PIP4K2A: variants seen among roughly 807,000 people sequenced by gnomAD.
The protein encoded by PIP4K2A is phosphatidylinositol 5-phosphate 4-kinase type-2 alpha.
PIP4K2A carries 14 observed loss-of-function variants against 42.9 expected under a neutral mutation model. That is an observed-to-expected ratio of 0.33 (90% CI 0.22 to 0.51). PIP4K2A has a LOEUF of 0.51. PIP4K2A is among the 20% of genes least tolerant of loss of function. The probability of loss-of-function intolerance (pLI) is 0.97; values close to 1 mark genes in which losing one functional copy is unlikely to be tolerated. For synonymous variants in PIP4K2A, 192 were observed against 192.2 expected, an observed-to-expected ratio of 1.00 and a Z score of 0.01; for missense variants, 434 against 519.8, an observed-to-expected ratio of 0.83 and a Z score of 1.61.
chr10:22,665,986 C>A (rs1403653902), intron 1 of PIP4K2A, among the ~76,000 whole-genome samples: 1 of 151,930 alleles, frequency 6.6e-6, no homozygotes, highest in Non-Finnish European at 1.5e-5. Flanking sequence ...AGATGGCTTT[C>A]CAGGAATGCT....
intron 5 of PIP4K2A, among the ~76,000 whole-genome samples, chr10:22,571,338 T>C (rs150108909): frequency 3.3e-4 from 50 of 152,190 alleles, no homozygotes; most frequent in Admixed American, 1.2e-3. Flanking sequence ...CTGACAGGGC[T>C]TGTGGCCAGT....
chr10:22,671,592 A>C (rs1360275730), intron 1 of PIP4K2A, among the ~76,000 whole-genome samples: 1 of 152,172 alleles, frequency 6.6e-6, no homozygotes, highest in African/African-American at 2.4e-5. Flanking sequence ...GGGGCATTGT[A>C]AGAGAACACA....
At chr10:22,672,899 G>C (rs45561732) in intron 1 of PIP4K2A, among the ~76,000 whole-genome samples, 2 of 152,190 alleles carry the variant, frequency 1.3e-5, no homozygotes, top group Non-Finnish European at 2.9e-5. Context: ...CAATATGAAA[G>C]CTTTCCAGAA....
intron 3 of PIP4K2A, among the ~76,000 whole-genome samples, chr10:22,597,416 T>C (rs1837658296): frequency 6.6e-6 from 1 of 152,214 alleles, no homozygotes; most frequent in South Asian, 2.1e-4. Context: ...CACTGCATCA[T>C]GTCTATTTAA....
intron 3 of PIP4K2A, among the ~76,000 whole-genome samples, chr10:22,605,959 C>T (rs748258313): frequency 6.6e-6 from 1 of 151,766 alleles, no homozygotes; most frequent in Non-Finnish European, 1.5e-5. Flanking sequence ...TTTTACTATT[C>T]TAATAATTTT....
At chr10:22,539,724 C>A in intron 9 of PIP4K2A, 1 of 478,348 alleles carries the variant, frequency 2.1e-6, no homozygotes, top group Non-Finnish European at 3.8e-6. Context: ...GTGGTAAGAG[C>A]AGCAGTGAGC....
At chr10:22,564,934 T>C (rs1256060340) in intron 6 of PIP4K2A, among the ~76,000 whole-genome samples, 1 of 152,198 alleles carries the variant, frequency 6.6e-6, no homozygotes, top group Non-Finnish European at 1.5e-5. Context: ...GAAGTTCATT[T>C]CCTCTGGTTC....
At chr10:22,543,450 G>T (rs1836179517) in intron 7 of PIP4K2A, among the ~76,000 whole-genome samples, 1 of 152,232 alleles carries the variant, frequency 6.6e-6, no homozygotes, top group Admixed American at 6.5e-5. Context: ...AAACCTGTTT[G>T]TTTAAAAATA....
chr10:22,592,783 C>T (rs1463972992), intron 3 of PIP4K2A, among the ~76,000 whole-genome samples: 2 of 152,216 alleles, frequency 1.3e-5, no homozygotes, highest in African/African-American at 4.8e-5. Context: ...CAGAAAGTCT[C>T]GTCTCCATCC....
At chr10:22,592,488 C>T (rs77863390) in intron 3 of PIP4K2A, among the ~76,000 whole-genome samples, 1,821 of 152,210 alleles carry the variant, frequency 0.012, 49 homozygotes, top group African/African-American at 0.042. Flanking sequence ...CCTCCTTAGG[C>T]GATTTGAATT....
chr10:22,704,957 G>A (rs1275573056), intron 1 of PIP4K2A, among the ~76,000 whole-genome samples: 2 of 152,132 alleles, frequency 1.3e-5, no homozygotes, highest in African/African-American at 2.4e-5. Flanking sequence ...AACCAGGCAG[G>A]GCAGCCCCTC....
chr10:22,665,200 TAAC>T (rs994336152), intron 1 of PIP4K2A, among the ~76,000 whole-genome samples: 7 of 152,322 alleles, frequency 4.6e-5, no homozygotes, highest in South Asian at 4.1e-4. Flanking sequence ...TTTCAAGCCT[TAAC>T]AAGCCAAGGT....
chr10:22,680,960 C>T (rs190541195), intron 1 of PIP4K2A, among the ~76,000 whole-genome samples: 71 of 152,182 alleles, frequency 4.7e-4, no homozygotes, highest in East Asian at 1.5e-3. Flanking sequence ...CCTATTCAGG[C>T]GAGAAAATAG....
At chr10:22,682,032 A>G (rs1399259577) in intron 1 of PIP4K2A, among the ~76,000 whole-genome samples, 1 of 152,040 alleles carries the variant, frequency 6.6e-6, no homozygotes, top group Non-Finnish European at 1.5e-5. Context: ...AACTATCCTT[A>G]GTTCGTGGCC....
intron 1 of PIP4K2A, among the ~76,000 whole-genome samples, chr10:22,637,690 G>A (rs1160764466): frequency 6.6e-6 from 1 of 152,114 alleles, no homozygotes; most frequent in Non-Finnish European, 1.5e-5. Flanking sequence ...AAGTGCACCG[G>A]CCAAAAGGCT....
chr10:22,598,594 A>C (rs1352882635), intron 3 of PIP4K2A, among the ~76,000 whole-genome samples: 6 of 152,210 alleles, frequency 3.9e-5, no homozygotes, highest in Non-Finnish European at 8.8e-5. Flanking sequence ...ATAGATGACG[A>C]CAAAACAGAA....
intron 1 of PIP4K2A, chr10:22,693,815 T>C (rs1344100334): frequency 1.3e-5 from 2 of 151,766 alleles, no homozygotes; most frequent in African/African-American, 4.8e-5. Flanking sequence ...ATGAAGGGAT[T>C]AGGAAAAAAA....
intron 1 of PIP4K2A, among the ~76,000 whole-genome samples, chr10:22,659,457 G>A (rs1839161878): frequency 6.6e-6 from 1 of 152,202 alleles, no homozygotes; most frequent in African/African-American, 2.4e-5. Flanking sequence ...GCTGGGCATG[G>A]TGCCTGTAAT....
At chr10:22,609,547 G>T in intron 2 of PIP4K2A, 73 bp downstream of exon 2, 2 of 832,524 alleles carry the variant, frequency 2.4e-6, no homozygotes, top group Non-Finnish European at 2.1e-6. Flanking sequence ...CAAATTATGT[G>T]ATTACAAAAA....
Sources: allele counts gnomAD v4.1 joint callset (sites outside exome capture counted in the v4.1 genomes callset), GRCh38; gene constraint gnomAD v4.1.1; transcripts MANE v1.5; gene names NCBI Gene and HGNC (gene_info 2026-07-23, HGNC 2026-07-21).